Variants in MS4A5 observed in about 807,000 individuals in gnomAD.
MS4A5 encodes membrane spanning 4-domains A5.
In MS4A5, 15 loss-of-function variants were observed where a neutral mutation model predicts 18.2. The ratio of observed to expected loss-of-function variants is 0.83; its 90% CI spans 0.55 to 1.27. The LOEUF is 1.27. MS4A5 is among the 50% of genes most tolerant of loss of function. The probability of loss-of-function intolerance (pLI) is 0.00; values close to 1 mark genes in which losing one functional copy is unlikely to be tolerated. For missense variants in MS4A5, 232 were observed against 225.7 expected, an observed-to-expected ratio of 1.03 and a Z score of -0.18; for synonymous variants, 89 against 78.7, an observed-to-expected ratio of 1.13 and a Z score of -0.69.
At chr11:60,437,630 C>G in intron 4 of MS4A5, among the ~76,000 whole-genome samples, 1 of 150,582 alleles carries the variant, frequency 6.6e-6, no homozygotes, top group East Asian at 1.9e-4. Flanking sequence ...ATCCTAGTCT[C>G]TGATAAAACA....
At chr11:60,435,356 C>G in intron 4 of MS4A5, 1 of 438,468 alleles carries the variant, frequency 2.3e-6, no homozygotes, top group East Asian at 7.1e-5. Context: ...ATTTCTGATA[C>G]TAAGTATATT....
chr11:60,441,434 A>AG (rs1270705647), intron 4 of MS4A5, among the ~76,000 whole-genome samples: 5 of 134,008 alleles, frequency 3.7e-5, no homozygotes, highest in Non-Finnish European at 6.4e-5. Flanking sequence ...ATAATAAAAA[A>AG]AAAGAAAAAG....
intron 4 of MS4A5, among the ~76,000 whole-genome samples, chr11:60,435,767 G>A (rs982876335): frequency 6.6e-6 from 1 of 152,092 alleles, no homozygotes; most frequent in Non-Finnish European, 1.5e-5. Context: ...CCCGCACCTG[G>A]CTCGGAGGGT....
intron 4 of MS4A5, among the ~76,000 whole-genome samples, chr11:60,435,737 G>A (rs1422549951): frequency 1.3e-5 from 2 of 152,218 alleles, no homozygotes; most frequent in South Asian, 4.2e-4. Context: ...CTTAAAAAAC[G>A]GCGCACCACG....
intron 4 of MS4A5, among the ~76,000 whole-genome samples, chr11:60,438,289 T>C (rs920807646): frequency 1.1e-4 from 17 of 152,246 alleles, no homozygotes; most frequent in African/African-American, 4.1e-4. Context: ...TAGAGGGAAA[T>C]TTAAAGCACT....
rs1196750109 is a variant in MS4A5, at chr11:60,436,532, T to G, written c.492+2615T>G. On this transcript the variant is annotated intron_variant, in intron 4 of 4. Transcript: ENST00000300190. Reference sequence around the variant, plus strand: ...GAGGTTGAAAACTTTGAAAAAAATTTAGAAGAATGTATAACTAGAATAACC... The same window carrying G: ...GAGGTTGAAAACTTTGAAAAAAATTGAGAAGAATGTATAACTAGAATAACC... 2.2e-5 allele frequency among the ~76,000 whole-genome samples: 3 copies of G among 134,678 alleles called. No individual in the cohort carries two copies. The East Asian group carries it at 6.2e-4, about 28-fold the overall frequency. 88.4% of individuals were successfully genotyped at this position (134,678 alleles called of 152,430 possible). A position where few individuals can be genotyped will look rare whatever the true frequency, so the allele number is the denominator to read the frequency against.
At chr11:60,443,750 AAG>A (rs2086125809) in intron 4 of MS4A5, among the ~76,000 whole-genome samples, 1 of 152,104 alleles carries the variant, frequency 6.6e-6, no homozygotes, top group African/African-American at 2.4e-5. Context: ...AAAAAGAAAA[AAG>A]AGAAAACACA....
At chr11:60,435,729 TAA>T (rs2086076012) in intron 4 of MS4A5, among the ~76,000 whole-genome samples, 2 of 152,002 alleles carry the variant, frequency 1.3e-5, no homozygotes, top group Admixed American at 6.6e-5. Flanking sequence ...CCGACGGGCT[TAA>T]AAAACGGCGC....
intron 4 of MS4A5, among the ~76,000 whole-genome samples, chr11:60,434,154 C>T (rs930191256): frequency 4.6e-5 from 7 of 151,642 alleles, no homozygotes; most frequent in Admixed American, 1.3e-4. Context: ...ATAAAACATA[C>T]ACAAATCAGT....
Position 60,432,484 on chromosome 11 carries a change from CT to C in MS4A5, c.339+20del. The C allele has an allele frequency of 6.7e-7, 1 of 1,498,510 alleles. No homozygotes were observed. The highest frequency in any genetic ancestry group is 9.2e-7 in the Non-Finnish European group (1 of 1,085,892). The allele number at this position is 1,498,510 out of a possible 1,614,324, so 92.8% of individuals were successfully genotyped here. ...GAAACTCTGGTGAGTTATATTCTTA[CT>C]TTATTAAAAATATATTTTGTAGCCA... On this transcript the variant is annotated intron_variant, in intron 3 of 4. Coordinates refer to ENST00000300190, the MANE Select transcript of MS4A5 (RefSeq NM_023945.3).
intron 4 of MS4A5, among the ~76,000 whole-genome samples, chr11:60,442,942 A>G (rs1021098664): frequency 1.1e-4 from 17 of 152,276 alleles, no homozygotes; most frequent in African/African-American, 3.1e-4. Flanking sequence ...GGAGTTTGAG[A>G]CCAGGCTGGC....
At position 60,429,689 on chromosome 11, in the gene MS4A5, C is replaced by G. The variant is rs778626162; in HGVS notation, c.15C>G (p.Thr5=). 6.2e-7 allele frequency: 1 copy of G among 1,612,552 alleles called. No homozygotes were observed. The highest frequency in any genetic ancestry group is 8.5e-7 in the Non-Finnish European group (1 of 1,179,632). Residue 5 remains threonine, a synonymous_variant, in exon 1 of 5, where the codon ACC becomes ACG. Transcript: ENST00000300190. MDSS[T]AHSPVFLVFP... ...CCGACACCATCATGGATTCAAGCAC[C>G]GCACACAGTCCGGTGTTTCTGGTAT...
chr11:60,440,478 A>G lies in MS4A5; in HGVS notation c.492+6561A>G, dbSNP rs1467025518. On this transcript the variant is annotated intron_variant, in intron 4 of 4. Transcript: ENST00000300190. ...GCACAGCAAAAGAAATCACCATCAG[A>G]GTGAACAGGCAAGCTACAAAATGGG... Among the ~76,000 whole-genome samples the G allele has an allele frequency of 8.3e-5, 10 of 120,690 alleles. 2 individuals carry two copies. The highest frequency in any genetic ancestry group is 2.8e-4 in the African/African-American group (10 of 35,438). 79.2% of individuals were successfully genotyped at this position (120,690 alleles called of 152,430 possible).
At chr11:60,435,378 T>A in intron 4 of MS4A5, 1 of 447,130 alleles carries the variant, frequency 2.2e-6, no homozygotes, top group Non-Finnish European at 4.5e-6. Context: ...GAAGAGATTT[T>A]AAAACCACAA....
chr11:60,436,399 C>T (rs113581114), intron 4 of MS4A5, among the ~76,000 whole-genome samples: 6,301 of 139,644 alleles, frequency 0.045, 848 homozygotes, highest in African/African-American at 0.14. Flanking sequence ...CAGTTCCTCA[C>T]CAGCAACGGA....
At chr11:60,444,895 T>C (rs1211188013) in intron 4 of MS4A5, among the ~76,000 whole-genome samples, 1 of 152,254 alleles carries the variant, frequency 6.6e-6, no homozygotes, top group Non-Finnish European at 1.5e-5. Flanking sequence ...ACCTACTTTA[T>C]GTCTCATGAT....
At chr11:60,435,156 C>T (rs2086071641) in intron 4 of MS4A5, among the ~76,000 whole-genome samples, 1 of 152,096 alleles carries the variant, frequency 6.6e-6, no homozygotes, top group Non-Finnish European at 1.5e-5. Context: ...GTATGTGGTG[C>T]CCCTGGTACC....
rs765837405 is a variant in MS4A5 at position 60,433,859 on chromosome 11, A to G, written c.434A>G (p.Tyr145Cys). The change falls in exon 4 of 5, where the codon TAC (tyrosine) becomes TGC (cysteine). Residue 145 changes from tyrosine (Y) to cysteine (C), a missense_variant. Tyr to Cys is a radical substitution (Grantham distance 194, BLOSUM62 -2). Coordinates refer to ENST00000300190, the MANE Select transcript of MS4A5 (RefSeq NM_023945.3). Reference sequence around the variant, plus strand: ...TTTGGTTTCATCCTAGATCAAAACTACATTTGTGGTTATTCTCACCAAAAT... The same window carrying G: ...TTTGGTTTCATCCTAGATCAAAACTGCATTTGTGGTTATTCTCACCAAAAT... ...LTFGFILDQN[Y>C]ICGYSHQNSQ... 6.2e-7 allele frequency: 1 copy of G among 1,613,960 alleles called. No homozygotes were observed. Among genetic ancestry groups the G allele is most frequent in the African/African-American group, 1.3e-5 (1 of 74,932 alleles).
chr11:60,444,853 T>C (rs35967273), intron 4 of MS4A5, among the ~76,000 whole-genome samples: 37,996 of 152,110 alleles, frequency 0.25, 5,520 homozygotes, highest in Admixed American at 0.38. Context: ...CTTGGAAAAC[T>C]ATTGGGTGGT....
Sources: allele counts gnomAD v4.1 joint callset (sites outside exome capture counted in the v4.1 genomes callset), GRCh38; gene constraint gnomAD v4.1.1; transcripts MANE v1.5; gene names NCBI Gene and HGNC (gene_info 2026-07-23, HGNC 2026-07-21).